TTLL11: variants seen among roughly 807,000 people sequenced by gnomAD.
TTLL11 encodes the protein tubulin tyrosine ligase like 11, also known as tubulin polyglutamylase TTLL11.
In TTLL11, 42 loss-of-function variants were observed where a neutral mutation model predicts 51.7. The ratio of observed to expected loss-of-function variants is 0.81; its 90% confidence interval spans 0.64 to 1.05. TTLL11 has a LOEUF of 1.05. TTLL11 is among the 50% of genes least tolerant of loss of function. The pLI, the probability that TTLL11 is intolerant of heterozygous loss-of-function variation, is 0.00. For synonymous variants in TTLL11, 381 were observed against 383.5 expected, an observed-to-expected ratio of 0.99 and a Z score of 0.08; for missense variants, 799 against 940.4, an observed-to-expected ratio of 0.85 and a Z score of 1.97.
In TTLL11 at chr9:121,995,889, C is replaced by T. The variant is rs187249935; in HGVS notation, c.694-6119G>A. 6.2e-4 allele frequency among the ~76,000 whole-genome samples: 94 copies of T among 152,306 alleles called. No individual in the cohort carries two copies. Among genetic ancestry groups the T allele is most frequent in the Non-Finnish European group, 7.1e-4 (48 of 68,026 alleles). On this transcript the variant is annotated intron_variant, in intron 3 of 8. Coordinates refer to ENST00000321582, the MANE Select transcript of TTLL11 (RefSeq NM_001139442.2). This position sits in a 1 kb window ranked among gnomAD's most constrained non-coding sequence, Gnocchi z 4.4. ...ATACCTCGAACTGGAGCACAGGTATCCGAACAGACCTCTCAAGCTCCGTGG... is the reference window on the plus strand; with the variant it reads ...ATACCTCGAACTGGAGCACAGGTATTCGAACAGACCTCTCAAGCTCCGTGG...
intron 3 of TTLL11, among the ~76,000 whole-genome samples, chr9:121,996,979 T>G (rs1411641035): frequency 6.6e-6 from 1 of 152,198 alleles, no homozygotes; most frequent in Non-Finnish European, 1.5e-5. Context: ...TTTGAAGATG[T>G]TCTCAAGTTC....
rs1333635532 is a variant in TTLL11, at chr9:121,989,769, ACCTGGAGGGGG to A, written c.694-10_694del. ...GGGGTCATCGTCTTTCACCATTTGA[ACCTGGAGGGGG>A]AAAAAAGGATGGCCGACATTATATT... is the stretch of plus-strand genomic sequence containing the variant. On this transcript the variant is annotated splice_acceptor_variant and splice_polypyrimidine_tract_variant and coding_sequence_variant and intron_variant, in exon 4 of 9. Transcript: ENST00000321582. LOFTEE classifies it high-confidence loss of function. The surrounding 1 kb of genome is among the most constrained non-coding windows in gnomAD (Gnocchi z 4.2). 1.3e-6 allele frequency: 2 copies of A among 1,588,372 alleles called. No individual in the cohort carries two copies. Among genetic ancestry groups the A allele is most frequent in the Admixed American group, 1.8e-5 (1 of 57,036 alleles).
intron 1 of TTLL11, among the ~76,000 whole-genome samples, chr9:122,049,469 T>A (rs1255262853): frequency 6.6e-6 from 1 of 152,142 alleles, no homozygotes; most frequent in East Asian, 1.9e-4. Context: ...GCACTACAGA[T>A]GTCTTTTTGG....
chr9:121,999,287 ACT>A (rs2131719213), intron 3 of TTLL11, among the ~76,000 whole-genome samples: 1 of 151,944 alleles, frequency 6.6e-6, no homozygotes, highest in East Asian at 1.9e-4. Flanking sequence ...ATAACTCCCC[ACT>A]CTCTATCTCT....
At chr9:122,052,018 C>T (rs1370708830) in intron 1 of TTLL11, among the ~76,000 whole-genome samples, 1 of 149,884 alleles carries the variant, frequency 6.7e-6, no homozygotes, top group Non-Finnish European at 1.5e-5. Flanking sequence ...CAAGAGTGGA[C>T]AAAAAAAAAC....
chr9:121,878,833 A>T, intron 6 of TTLL11, among the ~76,000 whole-genome samples: 1 of 152,210 alleles, frequency 6.6e-6, no homozygotes, highest in South Asian at 2.1e-4. Flanking sequence ...CAGCACGGTC[A>T]GAGGCAATGA....
chr9:121,878,475 C>A (rs1473798434), intron 6 of TTLL11, among the ~76,000 whole-genome samples: 1 of 152,210 alleles, frequency 6.6e-6, no homozygotes, highest in Non-Finnish European at 1.5e-5. Context: ...GCGACAACAG[C>A]AGACTAGGTC....
chr9:121,961,437 C>T (rs776864432), intron 6 of TTLL11, among the ~76,000 whole-genome samples: 38 of 151,678 alleles, frequency 2.5e-4, no homozygotes, highest in Admixed American at 5.9e-4. Context: ...AAAAAAAGTA[C>T]GGAGAGTGGG....
chr9:121,872,912 A>G (rs907631809), intron 6 of TTLL11, among the ~76,000 whole-genome samples: 4 of 152,242 alleles, frequency 2.6e-5, no homozygotes, highest in African/African-American at 9.6e-5. Context: ...TGATTTTGTC[A>G]TCATCACCTT....
intron 7 of TTLL11, among the ~76,000 whole-genome samples, chr9:121,864,883 T>C (rs1838133190): frequency 6.6e-6 from 1 of 152,208 alleles, no homozygotes; most frequent in African/African-American, 2.4e-5. Flanking sequence ...GAACCAACTT[T>C]TTCCACTCCA....
intron 4 of TTLL11, chr9:121,988,952 A>G: frequency 2.4e-6 from 2 of 826,504 alleles, no homozygotes; most frequent in Non-Finnish European, 3.6e-6. Context: ...GAACCTTTTA[A>G]GATAGGTATT....
chr9:121,987,009 A>G (rs1188270316), intron 4 of TTLL11, among the ~76,000 whole-genome samples: 2 of 152,076 alleles, frequency 1.3e-5, no homozygotes, highest in African/African-American at 2.4e-5. Flanking sequence ...TGTGTAGTGG[A>G]AAAGAATGTT....
At chr9:121,895,788 GTGTC>G (rs372259310) in intron 6 of TTLL11, among the ~76,000 whole-genome samples, 1 of 77,590 alleles carries the variant, frequency 1.3e-5, no homozygotes, top group Non-Finnish European at 2.8e-5. Context: ...GGGTGTGTGT[GTGTC>G]TGTGGATGTG....
chr9:122,073,672 C>A (rs549346676), intron 1 of TTLL11, among the ~76,000 whole-genome samples: 4 of 152,140 alleles, frequency 2.6e-5, no homozygotes, highest in Admixed American at 6.5e-5. Flanking sequence ...CCTCACCAAT[C>A]TGGAACACAG....
At chr9:121,865,839 A>G (rs1335327194) in intron 7 of TTLL11, among the ~76,000 whole-genome samples, 1 of 152,214 alleles carries the variant, frequency 6.6e-6, no homozygotes, top group Non-Finnish European at 1.5e-5. Context: ...TAGACGAGAG[A>G]AGAACAGTTC....
At chr9:121,967,000 G>A (rs752065966) in intron 6 of TTLL11, among the ~76,000 whole-genome samples, 8 of 152,014 alleles carry the variant, frequency 5.3e-5, no homozygotes, top group Non-Finnish European at 7.4e-5. Context: ...TTTCTCACAC[G>A]TGTCATTTCA....
intron 6 of TTLL11, among the ~76,000 whole-genome samples, chr9:121,921,790 GA>G (rs1374520458): frequency 6.6e-6 from 1 of 152,210 alleles, no homozygotes; most frequent in Non-Finnish European, 1.5e-5. Flanking sequence ...GGCCTGCAAG[GA>G]AGCCTTGGGC....
chr9:121,896,611 C>T (rs1322886875), intron 6 of TTLL11, among the ~76,000 whole-genome samples: 2 of 152,218 alleles, frequency 1.3e-5, no homozygotes, highest in African/African-American at 4.8e-5. Context: ...CTTCTGGGTC[C>T]GAGGTTGCAT....
chr9:121,941,015 A>T (rs1841440033), intron 6 of TTLL11, among the ~76,000 whole-genome samples: 1 of 152,182 alleles, frequency 6.6e-6, no homozygotes, highest in Admixed American at 6.5e-5. Context: ...GTCGAAAACT[A>T]ACACGTTTAA....
Sources: allele counts gnomAD v4.1 joint callset (sites outside exome capture counted in the v4.1 genomes callset), GRCh38; gene constraint gnomAD v4.1.1; non-coding constraint Gnocchi (gnomAD v3.1); transcripts MANE v1.5; gene names NCBI Gene and HGNC (gene_info 2026-07-23, HGNC 2026-07-21).